The following TBC1D1 variants were observed in gnomAD, a reference collection of about 807,000 sequenced individuals.
TBC1D1 encodes the protein TBC1 (tre-2/USP6, BUB2, cdc16) domain family, member 1.
A neutral mutation model predicts 125.6 loss-of-function variants in TBC1D1; 89 were observed. The ratio of observed to expected loss-of-function variants is 0.71; its 90% CI spans 0.60 to 0.85. The LOEUF (loss-of-function observed/expected upper bound fraction) is 0.85. Among genes scored for constraint, TBC1D1 ranks in the 40% least tolerant of loss-of-function variants. TBC1D1 has a pLI of 0.00. For missense variants in TBC1D1, 1,377 were observed against 1,469.2 expected, an observed-to-expected ratio of 0.94 and a Z score of 1.03; for synonymous variants, 565 against 564.1, an observed-to-expected ratio of 1.00 and a Z score of -0.02.
rs1370051124 is a variant in TBC1D1 at position 37,921,899 on chromosome 4, T to A, written c.417+19387T>A. ...TACAGGCGTGCACACCATACCCAGC[T>A]AATTTAAAAAAAAAAATTGTAGAGA... On this transcript the variant is annotated intron_variant, in intron 2 of 19. Transcript: ENST00000261439. Among the ~76,000 whole-genome samples the A allele has an allele frequency of 4.6e-5, 6 of 130,722 alleles. No individual in the cohort carries two copies. The Admixed American group carries it at 4.6e-4, about 10-fold the overall frequency. The allele number at this position is 130,722 out of a possible 152,430, so 85.8% of individuals were successfully genotyped here. A position where few individuals can be genotyped will look rare whatever the true frequency, so the allele number is the denominator to read the frequency against.
rs1766912989 is a variant in TBC1D1, at chr4:38,138,012, A to G, written c.*677A>G. 2.0e-5 allele frequency: 3 copies of G among 152,560 alleles called. No individual in the cohort carries two copies. Among genetic ancestry groups the G allele is most frequent in the Non-Finnish European group, 4.4e-5 (3 of 68,032 alleles). The allele number at this position is 152,560 out of a possible 1,614,324, so 9.5% of individuals were successfully genotyped here. A position where few individuals can be genotyped will look rare whatever the true frequency, so the allele number is the denominator to read the frequency against. ...AGATTTTACTATTTGAATGTTTAAG[A>G]TCACTTTATTGAATTTGAAGATCAT... On this transcript the variant is annotated 3_prime_UTR_variant, in exon 20 of 20. Transcript: ENST00000261439.
intron 12 of TBC1D1, among the ~76,000 whole-genome samples, chr4:38,070,356 A>G (rs930813111): frequency 6.6e-6 from 1 of 152,226 alleles, no homozygotes; most frequent in Non-Finnish European, 1.5e-5. Context: ...TACACAACCA[A>G]AGATGGTCCA....
intron 2 of TBC1D1, among the ~76,000 whole-genome samples, chr4:37,956,284 G>T (rs1226153702): frequency 1.3e-5 from 2 of 152,124 alleles, no homozygotes; most frequent in South Asian, 4.1e-4. Flanking sequence ...CTCCCAAAGT[G>T]TTGAGACTAC....
intron 2 of TBC1D1, among the ~76,000 whole-genome samples, chr4:37,993,823 C>T (rs2152392630): frequency 6.6e-6 from 1 of 152,316 alleles, no homozygotes; most frequent in East Asian, 1.9e-4. Context: ...CTCAAGTGAT[C>T]CACCCACCTT....
chr4:37,910,694 CA>C (rs903011305), intron 2 of TBC1D1, among the ~76,000 whole-genome samples: 26 of 146,828 alleles, frequency 1.8e-4, no homozygotes, highest in African/African-American at 5.5e-4. Context: ...GTTAATGGTA[CA>C]AAAAAAAATA....
chr4:37,943,955 T>A (rs927092905), intron 2 of TBC1D1, among the ~76,000 whole-genome samples: 2 of 152,174 alleles, frequency 1.3e-5, no homozygotes, highest in Non-Finnish European at 2.9e-5. Flanking sequence ...TTTTTCCCCA[T>A]CTTTGTGGTT....
chr4:38,031,266 TAGATA>T, intron 7 of TBC1D1, among the ~76,000 whole-genome samples: 1 of 152,348 alleles, frequency 6.6e-6, no homozygotes, highest in East Asian at 1.9e-4. Flanking sequence ...AAATACTGAC[TAGATA>T]AATCAAGTAG....
chr4:38,087,177 C>T (rs536321715), intron 12 of TBC1D1, among the ~76,000 whole-genome samples: 19 of 152,330 alleles, frequency 1.2e-4, no homozygotes, highest in African/African-American at 4.3e-4. Context: ...AAGTAGAAAA[C>T]ATTAGGGAGA....
At chr4:38,064,286 T>C (rs1017304847) in intron 12 of TBC1D1, among the ~76,000 whole-genome samples, 1 of 152,234 alleles carries the variant, frequency 6.6e-6, no homozygotes, top group Non-Finnish European at 1.5e-5. Context: ...ATAATACCGC[T>C]GTGAACATTG....
intron 1 of TBC1D1, among the ~76,000 whole-genome samples, chr4:37,892,986 T>C (rs1380989666): frequency 6.6e-6 from 1 of 152,060 alleles, no homozygotes; most frequent in Admixed American, 6.6e-5. Flanking sequence ...GCGGGTGGCT[T>C]TTTTGTGGTC....
intron 11 of TBC1D1, among the ~76,000 whole-genome samples, chr4:38,052,426 G>A (rs550349327): frequency 3.3e-5 from 5 of 151,524 alleles, no homozygotes; most frequent in African/African-American, 1.2e-4. Flanking sequence ...CTGCCTTGTG[G>A]GTTCAAGCAG....
At chr4:38,120,610 A>G (rs61295997) in intron 17 of TBC1D1, among the ~76,000 whole-genome samples, 2,126 of 152,330 alleles carry the variant, frequency 0.014, 41 homozygotes, top group East Asian at 0.084. Flanking sequence ...ATTAGTTAAT[A>G]GGTTACCTGG....
intron 13 of TBC1D1, among the ~76,000 whole-genome samples, chr4:38,090,558 C>T (rs887299251): frequency 6.6e-6 from 1 of 151,990 alleles, no homozygotes; most frequent in East Asian, 1.9e-4. Context: ...CAGTGATTTG[C>T]AAGTAATCTG....
chr4:38,044,245 C>G, intron 8 of TBC1D1, 117 bp from the exon 9 acceptor site: 1 of 1,180,334 alleles, frequency 8.5e-7, no homozygotes, highest in Non-Finnish European at 1.2e-6. Flanking sequence ...GAGGTGAGAT[C>G]ACAGACAGGA....
At chr4:37,901,918 T>C (rs1716107921) in intron 1 of TBC1D1, 85 bp from the exon 2 acceptor site, 10 of 593,372 alleles carry the variant, frequency 1.7e-5, no homozygotes, top group Non-Finnish European at 2.8e-5. Flanking sequence ...TTCAGGCTTT[T>C]GAGTTCTTCT....
intron 12 of TBC1D1, among the ~76,000 whole-genome samples, chr4:38,069,750 G>A (rs1754378473): frequency 6.6e-6 from 1 of 152,196 alleles, no homozygotes; most frequent in South Asian, 2.1e-4. Context: ...GCCCAGCTCA[G>A]GGTCACTTAC....
intron 18 of TBC1D1, among the ~76,000 whole-genome samples, chr4:38,126,229 A>G (rs1457088884): frequency 6.6e-6 from 1 of 152,256 alleles, no homozygotes; most frequent in Non-Finnish European, 1.5e-5. Context: ...CAATAAAAAT[A>G]TGGTATTCTA....
At chr4:38,132,714 A>G (rs1765796531) in intron 18 of TBC1D1, 1 of 170,036 alleles carries the variant, frequency 5.9e-6, no homozygotes, top group Non-Finnish European at 1.4e-5. Context: ...TTTAACCCAT[A>G]GTTGATGTAT....
Position 37,943,181 on chromosome 4 carries a change from T to C in TBC1D1, c.417+40669T>C, listed in dbSNP as rs1230715846. On this transcript the variant is annotated intron_variant, in intron 2 of 19. Transcript: ENST00000261439. ...TATTGGCCCCCACTCTCTTCTGGCT[T>C]GTGGAGTTTCTGCCGAGAGATCTGC... 6.6e-5 allele frequency among the ~76,000 whole-genome samples: 10 copies of C among 152,340 alleles called. No individual in the cohort carries two copies. In the East Asian group the frequency reaches 1.9e-3, roughly 29 times the overall value.
Sources: gnomAD v4.1 joint callset for allele counts (sites outside exome capture counted in the v4.1 genomes callset) on GRCh38, gnomAD v4.1.1 for gene constraint, MANE v1.5 for transcripts, NCBI Gene and HGNC (gene_info 2026-07-23, HGNC 2026-07-21) for gene names.